XRN1: variants seen among roughly 807,000 people sequenced by gnomAD.
XRN1 encodes 5'-3' exoribonuclease 1, also known as strand-exchange protein 1 homolog.
XRN1 carries 67 observed loss-of-function variants against 222.3 expected under a neutral mutation model. The observed-to-expected ratio is 0.30, with a 90% CI of 0.25 to 0.37. The LOEUF (loss-of-function observed/expected upper bound fraction) is 0.37. XRN1 is among the 10% of genes least tolerant of loss of function. XRN1 has a pLI of 1.00. For missense variants in XRN1, 1,707 were observed against 2,000.2 expected, an observed-to-expected ratio of 0.85 and a Z score of 2.80; for synonymous variants, 643 against 652.4, an observed-to-expected ratio of 0.99 and a Z score of 0.22.
chr3:142,324,064 ATAT>A (rs2065441764), intron 37 of XRN1, among the ~76,000 whole-genome samples: 1 of 150,690 alleles, frequency 6.6e-6, no homozygotes, highest in African/African-American at 2.4e-5. Context: ...TTTAAAATAT[ATAT>A]TATTGGGTTT....
chr3:142,360,873 CA>C (rs71153960), intron 29 of XRN1, among the ~76,000 whole-genome samples: 4 of 118,854 alleles, frequency 3.4e-5, no homozygotes, highest in African/African-American at 6.6e-5. Context: ...GACTCCGTCT[CA>C]AAAAAAAAAA....
Position 142,313,037 on chromosome 3 carries a change from T to A in XRN1, c.4622-279A>T. The A allele has an allele frequency of 2.2e-6, 3 of 1,345,708 alleles. No individual in the cohort carries two copies. The South Asian group carries it at 4.1e-5, about 18-fold the overall frequency. The allele number at this position is 1,345,708 out of a possible 1,614,324, so 83.4% of individuals were successfully genotyped here. ...CATATGCTGATACAAGTTTTAGGAA[T>A]ATTTGCAATTATATTTATAAAAAAA... On this transcript the variant is annotated intron_variant, in intron 39 of 40. Transcript: ENST00000392981.
At chr3:142,394,340 T>A (rs2067848364) in intron 20 of XRN1, among the ~76,000 whole-genome samples, 1 of 152,172 alleles carries the variant, frequency 6.6e-6, no homozygotes, top group Admixed American at 6.5e-5. Flanking sequence ...CTCACTTCTA[T>A]CCCAAAACAC....
chr3:142,425,681 C>T (rs1334945789), intron 3 of XRN1, 143 bp from the exon 4 acceptor site: 1 of 649,818 alleles, frequency 1.5e-6, no homozygotes, highest in East Asian at 2.7e-5. Context: ...AGCTCTCTTG[C>T]TTATCCTGAA....
At chr3:142,366,289 A>G (rs897837737) in intron 27 of XRN1, among the ~76,000 whole-genome samples, 1 of 152,340 alleles carries the variant, frequency 6.6e-6, no homozygotes, top group East Asian at 1.9e-4. Flanking sequence ...TTTAGAACAT[A>G]GCTTATGGGA....
rs527348487 is a variant in XRN1, at chr3:142,423,769, A to G, written c.628-127T>C. ...AACAATTAGCACATTAAATATACAA[A>G]TAACAAAATATGATCTATTTGTAGG... On this transcript the variant is annotated intron_variant, in intron 5 of 40. Transcript: ENST00000392981. 5 of 645,350 alleles carry G rather than the reference A, an allele frequency of 7.7e-6. No homozygotes were observed. The South Asian group carries it at 1.3e-4, about 17-fold the overall frequency. The allele number at this position is 645,350 out of a possible 1,614,324, so 40.0% of individuals were successfully genotyped here.
At chr3:142,406,169 G>A (rs796634005) in intron 15 of XRN1, among the ~76,000 whole-genome samples, 13 of 152,198 alleles carry the variant, frequency 8.5e-5, no homozygotes, top group African/African-American at 3.1e-4. Context: ...ATGGACCAAT[G>A]GAACAAAATA....
At chr3:142,317,792 T>A (rs1299173894) in intron 39 of XRN1, among the ~76,000 whole-genome samples, 2 of 152,192 alleles carry the variant, frequency 1.3e-5, no homozygotes, top group African/African-American at 4.8e-5. Flanking sequence ...CGAGGGACAA[T>A]CTACTTATGC....
intron 14 of XRN1, among the ~76,000 whole-genome samples, 164 bp downstream of exon 14, chr3:142,413,971 T>G (rs1002761374): frequency 1.3e-5 from 2 of 152,190 alleles, no homozygotes; most frequent in Non-Finnish European, 2.9e-5. Context: ...TAACTTGAAA[T>G]CAAAGAATTA....
At chr3:142,363,511 ATCT>A (rs2066717588) in intron 29 of XRN1, among the ~76,000 whole-genome samples, 1 of 152,250 alleles carries the variant, frequency 6.6e-6, no homozygotes. Flanking sequence ...TCTATATGTC[ATCT>A]TCATATTAAT....
rs79791571 is a variant in XRN1 at position 142,359,985 on chromosome 3, C to A, written c.3395-54G>T. The A allele has an allele frequency of 1.6e-3, 2,107 of 1,303,760 alleles. 5 individuals are homozygous for A. The highest frequency in any genetic ancestry group is 2.5e-3 in the Middle Eastern group (12 of 4,730). 80.8% of individuals were successfully genotyped at this position (1,303,760 alleles called of 1,614,324 possible). A position where few individuals can be genotyped will look rare whatever the true frequency, so the allele number is the denominator to read the frequency against. ...ACTAAAAAATCATATGATGAAAAAT[C>A]AACAGATAAGTTTTTGGAGTGTTTG... On this transcript the variant is annotated intron_variant, in intron 29 of 40. Transcript: ENST00000392981.
intron 27 of XRN1, among the ~76,000 whole-genome samples, chr3:142,366,644 A>G (rs1490304672): frequency 6.6e-6 from 1 of 152,162 alleles, no homozygotes; most frequent in Non-Finnish European, 1.5e-5. Context: ...AGACATTACA[A>G]TTTTAATAGA....
rs1577477299 is a variant in XRN1, at chr3:142,447,827, C to T, written c.75+43G>A. 1.9e-6 allele frequency: 3 copies of T among 1,608,060 alleles called. No individual in the cohort carries two copies. On this transcript the variant is annotated intron_variant, in intron 1 of 40. Transcript: ENST00000392981. The surrounding 1 kb of genome is among the most constrained non-coding windows in gnomAD (Gnocchi z 4.2). ...CTAAGGTGGAGAGGGCCGCGGAGCCCCGGGTCCTCGGCTTTCTGAGCCGTT... is the reference window on the plus strand; with the variant it reads ...CTAAGGTGGAGAGGGCCGCGGAGCCTCGGGTCCTCGGCTTTCTGAGCCGTT...
chr3:142,370,597 A>T lies in XRN1; in HGVS notation c.3092T>A (p.Ile1031Asn), dbSNP rs754134187. Residue 1031 changes from isoleucine (I) to asparagine (N), a missense_variant, in exon 27 of 41, where the codon ATT becomes AAT. Physicochemically the swap from Ile to Asn is moderately radical, Grantham distance 149. Coordinates refer to ENST00000392981, the MANE Select transcript of XRN1 (RefSeq NM_001282857.2). The stretch of plus-strand genomic sequence containing the variant: ...GACAGGATGTCCTTTTAGCCAAGTA[A>T]TAATTTCTTGAACTTTTTCAGCACT... ...ENGAEKVQEI[I>N]TWLKGHPVST... 1 of 1,584,390 alleles carries T rather than the reference A, an allele frequency of 6.3e-7. No homozygotes were observed. Among genetic ancestry groups the T allele is most frequent in the Non-Finnish European group, 8.5e-7 (1 of 1,170,974 alleles).
intron 29 of XRN1, among the ~76,000 whole-genome samples, chr3:142,363,157 T>C (rs1279664758): frequency 6.6e-6 from 1 of 152,160 alleles, no homozygotes; most frequent in Non-Finnish European, 1.5e-5. Context: ...TCCTAAAAGT[T>C]CTATAATTTT....
At chr3:142,357,734 G>A (rs1406886576) in intron 30 of XRN1, among the ~76,000 whole-genome samples, 4 of 150,404 alleles carry the variant, frequency 2.7e-5, no homozygotes, top group East Asian at 2.1e-4. Context: ...GGCCTCGAAC[G>A]TCTTAAAAAC....
At chr3:142,379,226 G>A (rs1475583294) in intron 23 of XRN1, among the ~76,000 whole-genome samples, 3 of 152,086 alleles carry the variant, frequency 2.0e-5, no homozygotes, top group South Asian at 2.1e-4. Context: ...AGCCAAGATC[G>A]TGCCACTGCA....
At chr3:142,388,854 C>T (rs934669461) in intron 20 of XRN1, among the ~76,000 whole-genome samples, 1 of 152,206 alleles carries the variant, frequency 6.6e-6, no homozygotes, top group African/African-American at 2.4e-5. Flanking sequence ...ACAATGTTCA[C>T]AGCATCTTCA....
chr3:142,396,782 T>C (rs1401544654), intron 20 of XRN1, among the ~76,000 whole-genome samples: 1 of 152,180 alleles, frequency 6.6e-6, no homozygotes, highest in Non-Finnish European at 1.5e-5. Context: ...GGAATTCTTG[T>C]GTTTGGATGG....
Sources: gnomAD v4.1 joint callset for allele counts (sites outside exome capture counted in the v4.1 genomes callset) on GRCh38, gnomAD v4.1.1 for gene constraint, Gnocchi (gnomAD v3.1) non-coding constraint, MANE v1.5 for transcripts, NCBI Gene and HGNC (gene_info 2026-07-23, HGNC 2026-07-21) for gene names.